TAF12: variants seen among roughly 807,000 people sequenced by gnomAD.
TAF12 encodes the protein transcription initiation factor TFIID subunit 12.
Under a neutral mutation model 20.8 loss-of-function variants are expected in TAF12, and 3 were observed. That is an observed-to-expected ratio of 0.14 (90% CI 0.07 to 0.37). TAF12 has a LOEUF of 0.37. Among genes scored for constraint, TAF12 ranks in the 10% least tolerant of loss-of-function variants. TAF12 has a pLI of 1.00. For synonymous variants in TAF12, 69 were observed against 70.2 expected (o/e 0.98, Z 0.09); for missense variants, 131 against 197.9 (o/e 0.66, Z 2.03).
chr1:28,613,521 A>G (rs899622830), intron 3 of TAF12, among the ~76,000 whole-genome samples, 160 bp from the exon 4 acceptor site: 1 of 152,198 alleles, frequency 6.6e-6, no homozygotes, highest in African/African-American at 2.4e-5. Flanking sequence ...AATGAGAAGG[A>G]CAAAAGAAAT....
At chr1:28,604,077 G>A (rs1310423263) in intron 5 of TAF12, among the ~76,000 whole-genome samples, 1 of 152,018 alleles carries the variant, frequency 6.6e-6, no homozygotes, top group African/African-American at 2.4e-5. Context: ...GCTAATTTTT[G>A]TATTTTTAGT....
At chr1:28,642,074 G>A (rs948780741) in intron 1 of TAF12, among the ~76,000 whole-genome samples, 10 of 152,192 alleles carry the variant, frequency 6.6e-5, no homozygotes, top group Admixed American at 1.3e-4. Flanking sequence ...GCTCATTCAG[G>A]GTTGAGTGGA....
upstream of TAF12, among the ~76,000 whole-genome samples, chr1:28,647,283 TATTG>T (rs1422360727): frequency 6.6e-6 from 1 of 150,840 alleles, no homozygotes; most frequent in African/African-American, 2.4e-5. Context: ...AATTGTCACA[TATTG>T]TTTTTTTTTT....
At chr1:28,641,925 T>C (rs1458317126) in intron 1 of TAF12, among the ~76,000 whole-genome samples, 1 of 152,124 alleles carries the variant, frequency 6.6e-6, no homozygotes, top group African/African-American at 2.4e-5. Flanking sequence ...AATTATGATC[T>C]AACTAACCAT....
chr1:28,644,768 C>T (rs372109233), upstream of TAF12, among the ~76,000 whole-genome samples: 1 of 152,192 alleles, frequency 6.6e-6, no homozygotes, highest in Non-Finnish European at 1.5e-5. Flanking sequence ...CTTTGGTAAC[C>T]GGGAAAGACA....
intron 5 of TAF12, among the ~76,000 whole-genome samples, chr1:28,604,772 G>A (rs752461434): frequency 1.1e-4 from 17 of 152,320 alleles, no homozygotes; most frequent in Middle Eastern, 3.4e-3. Flanking sequence ...AGTTAAGACA[G>A]AAAGGATAAC....
chr1:28,612,184 T>C (rs1329984829), intron 4 of TAF12, among the ~76,000 whole-genome samples: 1 of 152,076 alleles, frequency 6.6e-6, no homozygotes, highest in African/African-American at 2.4e-5. Context: ...GCATGGTGGC[T>C]CATGACTGTA....
At chr1:28,620,497 G>A (rs985410045) in intron 2 of TAF12, among the ~76,000 whole-genome samples, 1 of 151,604 alleles carries the variant, frequency 6.6e-6, no homozygotes, top group Non-Finnish European at 1.5e-5. Context: ...GTGCAGTGGC[G>A]CAATCTCTGC....
chr1:28,642,965 C>G (rs1668086415), intron 1 of TAF12, 27 bp downstream of exon 1: 15 of 986,310 alleles, frequency 1.5e-5, no homozygotes, highest in Non-Finnish European at 1.8e-5. Context: ...CGCTCTTGTT[C>G]CTCAACTGCC....
chr1:28,647,663 G>A (rs1443917936), upstream of TAF12, among the ~76,000 whole-genome samples: 2 of 152,126 alleles, frequency 1.3e-5, no homozygotes, highest in African/African-American at 2.4e-5. Flanking sequence ...CACAAAGTCA[G>A]GAGATCGAGA....
At chr1:28,619,647 GAAAAA>G (rs56098932) in intron 2 of TAF12, among the ~76,000 whole-genome samples, 2 of 59,442 alleles carry the variant, frequency 3.4e-5, no homozygotes, top group East Asian at 1.0e-3. Flanking sequence ...AAATTCCACT[GAAAAA>G]AAAAAAAAAA....
intron 4 of TAF12, among the ~76,000 whole-genome samples, chr1:28,608,657 A>G (rs545548484): frequency 9.1e-4 from 138 of 151,406 alleles, no homozygotes; most frequent in African/African-American, 3.2e-3. Context: ...CGGGAGGCTG[A>G]AGCAGGAGAA....
intron 3 of TAF12, among the ~76,000 whole-genome samples, chr1:28,617,332 T>C (rs1667075047): frequency 6.6e-6 from 1 of 152,182 alleles, no homozygotes; most frequent in Non-Finnish European, 1.5e-5. Context: ...ATTTTATTTA[T>C]TTATTGCAGT....
intron 1 of TAF12, among the ~76,000 whole-genome samples, chr1:28,625,380 CTTTTT>C (rs959370453): frequency 1.3e-5 from 2 of 151,814 alleles, no homozygotes; most frequent in South Asian, 2.1e-4. Context: ...CCCTTTCTCT[CTTTTT>C]TTTGAGACAA....
chr1:28,644,557 C>T (rs1175421051), upstream of TAF12, among the ~76,000 whole-genome samples: 1 of 152,202 alleles, frequency 6.6e-6, no homozygotes, highest in Non-Finnish European at 1.5e-5. Context: ...GAGTACATAA[C>T]TGGTGGCTAA....
At chr1:28,623,877 G>T in intron 1 of TAF12, 2 of 802,682 alleles carry the variant, frequency 2.5e-6, no homozygotes, top group Non-Finnish European at 3.0e-6. Context: ...GTGGACGTCA[G>T]CTTGGGTGTC....
At chr1:28,622,257 C>A in intron 1 of TAF12, 92 bp from the exon 2 acceptor site, 1 of 1,230,760 alleles carries the variant, frequency 8.1e-7, no homozygotes. Context: ...CAATGGCTCA[C>A]AACTGTAATC....
At chr1:28,621,883 C>T in intron 2 of TAF12, 31 bp downstream of exon 2, 1 of 1,607,670 alleles carries the variant, frequency 6.2e-7, no homozygotes. Context: ...TAAGAAGTGG[C>T]TACAGAGAAG....
At chr1:28,614,670 G>T (rs1347478883) in intron 3 of TAF12, among the ~76,000 whole-genome samples, 2 of 143,818 alleles carry the variant, frequency 1.4e-5, no homozygotes, top group Admixed American at 1.4e-4. Flanking sequence ...GTGACAGGGC[G>T]AGACAAAAAA....
Sources: allele counts gnomAD v4.1 joint callset (sites outside exome capture counted in the v4.1 genomes callset), GRCh38; gene constraint gnomAD v4.1.1; transcripts MANE v1.5; gene names NCBI Gene and HGNC (gene_info 2026-07-23, HGNC 2026-07-21).